Variants in LIFR observed in about 807,000 individuals in gnomAD.
LIFR encodes the protein LIF receptor subunit alpha, also known as leukemia inhibitory factor receptor.
Under a neutral mutation model 122.2 loss-of-function variants are expected in LIFR, and 84 were observed. The observed-to-expected ratio is 0.69, with a 90% CI of 0.58 to 0.82. The LOEUF (loss-of-function observed/expected upper bound fraction) is 0.82, where lower values mean the gene tolerates loss of function less well. LIFR is among the 40% of genes least tolerant of loss of function. The probability of loss-of-function intolerance (pLI) is 0.00; values close to 1 mark genes in which losing one functional copy is unlikely to be tolerated. For missense variants in LIFR, 1,294 were observed against 1,311.6 expected (o/e 0.99, Z 0.21); for synonymous variants, 422 against 434.7 (o/e 0.97, Z 0.36).
chr5:38,552,746 A>G (rs182312931), intron 1 of LIFR, among the ~76,000 whole-genome samples: 237 of 152,350 alleles, frequency 1.6e-3, no homozygotes, highest in African/African-American at 5.2e-3. Context: ...AAGAAAAGTG[A>G]TAACAGTATA....
At chr5:38,492,317 T>C (rs1466267171) in intron 14 of LIFR, among the ~76,000 whole-genome samples, 1 of 152,208 alleles carries the variant, frequency 6.6e-6, no homozygotes, top group Non-Finnish European at 1.5e-5. Context: ...CCCCATATCC[T>C]GCAGGTCTCA....
chr5:38,530,775 C>A (rs1240451263), intron 1 of LIFR, 109 bp from the exon 2 acceptor site: 11 of 998,020 alleles, frequency 1.1e-5, no homozygotes, highest in Non-Finnish European at 1.8e-5. Flanking sequence ...AAACACTGTA[C>A]ATTTAGAGAC....
chr5:38,543,096 C>G (rs1328437939), intron 1 of LIFR, among the ~76,000 whole-genome samples: 2 of 152,004 alleles, frequency 1.3e-5, no homozygotes, highest in African/African-American at 2.4e-5. Context: ...ATGCAACTCA[C>G]ATACTAAGAA....
intron 2 of LIFR, among the ~76,000 whole-genome samples, chr5:38,529,119 G>A (rs1746863047): frequency 6.6e-6 from 1 of 151,758 alleles, no homozygotes; most frequent in African/African-American, 2.4e-5. Context: ...ACCATTTTGG[G>A]GTTAGGCTGC....
chr5:38,530,421 G>A lies in LIFR; in HGVS notation c.142+85C>T. ...TTTTAACCAACAAAATCCTAAAGGG[G>A]TCAATAAAGCAACAAAATTGCTTCG... On this transcript the variant is annotated intron_variant, in intron 2 of 19. Transcript: ENST00000453190. The A allele has an allele frequency of 5.3e-6, 6 of 1,138,264 alleles. No individual in the cohort carries two copies. In the South Asian group the frequency reaches 7.4e-5, roughly 14 times the overall value. 70.5% of individuals were successfully genotyped at this position (1,138,264 alleles called of 1,614,324 possible).
At chr5:38,516,752 G>A (rs1173317975) in intron 5 of LIFR, among the ~76,000 whole-genome samples, 1 of 152,120 alleles carries the variant, frequency 6.6e-6, no homozygotes, top group African/African-American at 2.4e-5. Flanking sequence ...AAAGACACAT[G>A]CACACATAGG....
intron 10 of LIFR, 60 bp downstream of exon 10, chr5:38,503,916 T>A: frequency 1.6e-6 from 2 of 1,245,556 alleles, no homozygotes; most frequent in Non-Finnish European, 2.3e-6. Context: ...TTTGCTTAAT[T>A]CTTTTTGAGA....
rs1743708201 is a variant in LIFR, at chr5:38,476,082, C to T, written c.*5513G>A. On this transcript the variant is annotated 3_prime_UTR_variant, in exon 20 of 20. Coordinates refer to ENST00000453190, the MANE Select transcript of LIFR (RefSeq NM_001127671.2). ...ACTCACAATGTTATTCATATTTTTC[C>T]TAAATATTGTGTTGGAAGGAAAAAT... 1 of 198,314 alleles carries T rather than the reference C, an allele frequency of 5.0e-6. No homozygotes were observed. The highest frequency in any genetic ancestry group is 1.9e-4 in the South Asian group (1 of 5,222). The allele number at this position is 198,314 out of a possible 1,614,324, so 12.3% of individuals were successfully genotyped here.
chr5:38,598,211 CT>C (rs869193908), upstream of LIFR, among the ~76,000 whole-genome samples: 1,459 of 62,178 alleles, frequency 0.023, 55 homozygotes, highest in African/African-American at 0.073. Flanking sequence ...TAAGGCACCT[CT>C]TTTTTTTTTT....
At chr5:38,588,026 A>G (rs967754511) in intron 1 of LIFR, among the ~76,000 whole-genome samples, 74 of 152,210 alleles carry the variant, frequency 4.9e-4, no homozygotes, top group Admixed American at 1.2e-3. Flanking sequence ...TACATATCAC[A>G]AGGCCTGTTT....
intron 1 of LIFR, among the ~76,000 whole-genome samples, chr5:38,566,451 A>T (rs1017316622): frequency 6.6e-6 from 1 of 152,214 alleles, no homozygotes; most frequent in Non-Finnish European, 1.5e-5. Context: ...ACAGCAATAG[A>T]TCTACATATA....
chr5:38,510,447 T>C lies in LIFR; in HGVS notation c.991+17A>G. 2 of 1,611,490 alleles carry C rather than the reference T, an allele frequency of 1.2e-6. No individual in the cohort carries two copies. Among genetic ancestry groups the C allele is most frequent in the Non-Finnish European group, 1.7e-6 (2 of 1,179,240 alleles). ...AACAGGTTAATAGGAATTCTCTCTT[T>C]AAAATCATATACTTACATCCAGCAA... On this transcript the variant is annotated intron_variant, in intron 7 of 19. Coordinates refer to ENST00000453190, the MANE Select transcript of LIFR (RefSeq NM_001127671.2).
At chr5:38,594,267 C>T (rs1750025367) in intron 1 of LIFR, among the ~76,000 whole-genome samples, 2 of 152,006 alleles carry the variant, frequency 1.3e-5, no homozygotes, top group African/African-American at 4.8e-5. Flanking sequence ...TTGTCAGGGC[C>T]TGGAGAAGGC....
rs531375428 is a variant in LIFR at position 38,506,594 on chromosome 5, G to A, written c.1030C>T (p.His344Tyr). 7.4e-6 allele frequency: 12 copies of A among 1,613,132 alleles called. No individual in the cohort carries two copies. In the African/African-American group the frequency reaches 1.5e-4, roughly 20 times the overall value. ...DTPQQLNCET[H>Y]DLKEIICSWN... ...CTACATATAATTTCTTTTAAATCAT[G>A]TGTCTCACAATTCAGTTGTTGAGGA... Residue 344 changes from histidine to tyrosine, a missense_variant, in exon 8 of 20, where the codon CAT becomes TAT. Coordinates refer to ENST00000453190, the MANE Select transcript of LIFR (RefSeq NM_001127671.2).
At chr5:38,514,483 G>A (rs1745970202) in intron 5 of LIFR, among the ~76,000 whole-genome samples, 2 of 152,070 alleles carry the variant, frequency 1.3e-5, no homozygotes, top group Non-Finnish European at 2.9e-5. Flanking sequence ...GTATTCCTTT[G>A]GTAAGCATTT....
intron 13 of LIFR, 89 bp downstream of exon 13, chr5:38,496,293 A>G: frequency 9.6e-7 from 1 of 1,042,518 alleles, no homozygotes; most frequent in Admixed American, 1.7e-5. Flanking sequence ...ATACGAGAAG[A>G]AGGCTGACAT....
chr5:38,605,102 T>C (rs1448248665), intron 2 of LIFR, among the ~76,000 whole-genome samples: 1 of 152,156 alleles, frequency 6.6e-6, no homozygotes, highest in Non-Finnish European at 1.5e-5. Context: ...TAAAGGTTTC[T>C]TGTCAGACTT....
At chr5:38,562,042 C>A (rs188719615) in intron 1 of LIFR, among the ~76,000 whole-genome samples, 4 of 152,232 alleles carry the variant, frequency 2.6e-5, no homozygotes, top group Admixed American at 2.6e-4. Context: ...TGTTGGGGAT[C>A]GTGGGAGCAC....
At chr5:38,495,309 A>C (rs1744818992) in intron 13 of LIFR, among the ~76,000 whole-genome samples, 1 of 152,214 alleles carries the variant, frequency 6.6e-6, no homozygotes, top group South Asian at 2.1e-4. Context: ...AATCTAAATC[A>C]GTATGTTATC....
Sources: gnomAD v4.1 joint callset for allele counts (sites outside exome capture counted in the v4.1 genomes callset) on GRCh38, gnomAD v4.1.1 for gene constraint, MANE v1.5 for transcripts, NCBI Gene and HGNC (gene_info 2026-07-23, HGNC 2026-07-21) for gene names.